CERS4: variants seen among roughly 807,000 people sequenced by gnomAD.
CERS4 encodes LAG1 homolog, ceramide synthase 4.
In CERS4, 65 loss-of-function variants were observed where a neutral mutation model predicts 51.8. The ratio of observed to expected loss-of-function variants is 1.26; its 90% CI spans 1.03 to 1.54. The LOEUF (loss-of-function observed/expected upper bound fraction) is 1.54, where lower values mean the gene tolerates loss of function less well. Ranked by LOEUF, CERS4 falls within the 40% of genes most tolerant of loss-of-function variation. The pLI is 0.00. For synonymous variants in CERS4, 228 were observed against 208.4 expected, an observed-to-expected ratio of 1.09 and a Z score of -0.81; for missense variants, 563 against 500.4, an observed-to-expected ratio of 1.13 and a Z score of -1.19.
At chr19:8,240,614 G>GTGTGTGT (rs148847272) in intron 2 of CERS4, 6 of 152,400 alleles carry the variant, frequency 3.9e-5, no homozygotes, top group African/African-American at 1.5e-4. Flanking sequence ...GTGTGTGTGT[G>GTGTGTGT]TTTTCATCTC....
In CERS4 at chr19:8,261,676, C is replaced by G. The variant is rs1279500438; in HGVS notation, c.849-12C>G. 1 of 1,613,734 alleles carries G rather than the reference C, an allele frequency of 6.2e-7. No individual in the cohort carries two copies. Among genetic ancestry groups the G allele is most frequent in the Non-Finnish European group, 8.5e-7 (1 of 1,179,908 alleles). On this transcript the variant is annotated splice_polypyrimidine_tract_variant and intron_variant, in intron 10 of 11. Coordinates refer to ENST00000251363, the MANE Select transcript of CERS4 (RefSeq NM_024552.3). ...GTCAAACCCCAGCCTCCTCCTCTCC[C>G]CCTGGCTGTAGGATCCTCTACACCA... is the stretch of plus-strand genomic sequence containing the variant.
At chr19:8,225,572 C>T (rs1308955056) in intron 2 of CERS4, among the ~76,000 whole-genome samples, 1 of 151,626 alleles carries the variant, frequency 6.6e-6, no homozygotes, top group Non-Finnish European at 1.5e-5. Flanking sequence ...TACAGGTGCC[C>T]GCCACCAAGC....
At chr19:8,217,789 G>A (rs1475140322) in intron 2 of CERS4, among the ~76,000 whole-genome samples, 3 of 151,850 alleles carry the variant, frequency 2.0e-5, no homozygotes, top group Middle Eastern at 3.4e-3. Flanking sequence ...CGCCCGCCTC[G>A]GCCTCCCAAA....
At chr19:8,256,347 G>A in intron 7 of CERS4, 61 bp downstream of exon 7, 1 of 1,582,618 alleles carries the variant, frequency 6.3e-7, no homozygotes, top group Non-Finnish European at 8.6e-7. Context: ...AGTTGCTGCA[G>A]CCATGGGCAT....
At chr19:8,238,812 G>A (rs892191995) in intron 2 of CERS4, among the ~76,000 whole-genome samples, 23 of 152,244 alleles carry the variant, frequency 1.5e-4, no homozygotes, top group South Asian at 6.2e-4. Context: ...GAAATTGCAC[G>A]CTGAGCCCGA....
chr19:8,240,886 CTCTT>C (rs1308550256), intron 2 of CERS4, among the ~76,000 whole-genome samples: 3 of 152,100 alleles, frequency 2.0e-5, no homozygotes, highest in African/African-American at 7.2e-5. Context: ...CCCATTCTCT[CTCTT>C]TCCCCCAATC....
chr19:8,244,516 T>C (rs1355187100), intron 2 of CERS4, among the ~76,000 whole-genome samples: 1 of 152,158 alleles, frequency 6.6e-6, no homozygotes, highest in Non-Finnish European at 1.5e-5. Flanking sequence ...ACCCTTCTCT[T>C]TTCTGGCTCC....
chr19:8,240,920 TAAG>T (rs1968512421), intron 2 of CERS4, among the ~76,000 whole-genome samples: 2 of 151,014 alleles, frequency 1.3e-5, no homozygotes, highest in South Asian at 2.1e-4. Context: ...TTTTAGCCAC[TAAG>T]AAGGATTATC....
At chr19:8,248,106 T>G (rs1045802987) in intron 2 of CERS4, among the ~76,000 whole-genome samples, 3 of 152,114 alleles carry the variant, frequency 2.0e-5, no homozygotes, top group Non-Finnish European at 4.4e-5. Flanking sequence ...ACATTTAAAA[T>G]CACGCCACTC....
At chr19:8,255,981 A>T (rs916036521) in intron 6 of CERS4, 102 bp downstream of exon 6, 13 of 1,315,472 alleles carry the variant, frequency 9.9e-6, no homozygotes, top group Non-Finnish European at 1.2e-5. Context: ...AGAGGAAAAC[A>T]TGCAGCTGAG....
chr19:8,220,557 G>A (rs780025410), intron 2 of CERS4, among the ~76,000 whole-genome samples: 13 of 152,210 alleles, frequency 8.5e-5, no homozygotes, highest in Non-Finnish European at 1.2e-4. Flanking sequence ...TGCCCGCCTC[G>A]GCCTCCCAAA....
chr19:8,253,449 C>T (rs1024079295), intron 3 of CERS4, among the ~76,000 whole-genome samples: 3 of 74,050 alleles, frequency 4.1e-5, no homozygotes, highest in South Asian at 3.9e-4. Context: ...GTCCAGCTGC[C>T]TTTTTTTTTT....
At chr19:8,253,500 C>G (rs1311901620) in intron 3 of CERS4, among the ~76,000 whole-genome samples, 1 of 144,982 alleles carries the variant, frequency 6.9e-6, no homozygotes, top group African/African-American at 2.6e-5. Flanking sequence ...TGCTCTGTCA[C>G]CCAGGCTTGA....
Position 8,261,758 on chromosome 19 carries a change from G to A in CERS4, c.919G>A (p.Gly307Arg), listed in dbSNP as rs527480139. ...CTTCTTCGGCTACTACTTCTTCAAC[G>A]GGCTTCTGATGTTGCTGCAGCTGCT... is the stretch of plus-strand genomic sequence containing the variant. The part of the protein sequence containing the change: ...GPFFGYYFFN[G>R]LLMLLQLLHV... The change falls in exon 11 of 12, where the codon GGG becomes AGG. Residue 307 changes from glycine to arginine, a missense_variant. Transcript: ENST00000251363. 8.7e-5 allele frequency: 141 copies of A among 1,614,118 alleles called. No individual in the cohort carries two copies. The highest frequency in any genetic ancestry group is 1.9e-5 in the Non-Finnish European group (22 of 1,180,014).
At chr19:8,241,518 T>A (rs1210777646) in intron 2 of CERS4, 1 of 152,180 alleles carries the variant, frequency 6.6e-6, no homozygotes, top group African/African-American at 2.4e-5. Flanking sequence ...TTGCCCTGGC[T>A]GGTCTCGAAC....
At chr19:8,236,546 G>A (rs1236770271) in intron 2 of CERS4, among the ~76,000 whole-genome samples, 1 of 151,714 alleles carries the variant, frequency 6.6e-6, no homozygotes, top group Non-Finnish European at 1.5e-5. Flanking sequence ...GGGTGTGGTG[G>A]CACCCGCCTG....
At chr19:8,245,122 A>AAAAACAAACAAAAACAAAAAAAAAC (rs1555777239) in intron 2 of CERS4, among the ~76,000 whole-genome samples, 1 of 129,256 alleles carries the variant, frequency 7.7e-6, no homozygotes, top group Non-Finnish European at 1.6e-5. Flanking sequence ...AAAAAAAAAA[A>AAAAACAAACAAAAACAAAAAAAAAC]AAAAAAAAAA....
chr19:8,259,231 G>A (rs544225944), intron 10 of CERS4, among the ~76,000 whole-genome samples: 90 of 152,240 alleles, frequency 5.9e-4, no homozygotes, highest in South Asian at 2.3e-3. Context: ...CGTTTGTACC[G>A]AGAGATGGGA....
chr19:8,236,669 GCC>G (rs1246795167), intron 2 of CERS4, among the ~76,000 whole-genome samples: 2 of 131,252 alleles, frequency 1.5e-5, no homozygotes, highest in Non-Finnish European at 3.1e-5. Flanking sequence ...ACAGAACCAG[GCC>G]CTGTCTTCTA....
Sources: gnomAD v4.1 joint callset for allele counts (sites outside exome capture counted in the v4.1 genomes callset) on GRCh38, gnomAD v4.1.1 for gene constraint, MANE v1.5 for transcripts, NCBI Gene and HGNC (gene_info 2026-07-23, HGNC 2026-07-21) for gene names.